Variants in RARB observed in about 807,000 individuals in gnomAD.
RARB encodes HBV-activated protein.
A neutral mutation model predicts 51.9 loss-of-function variants in RARB; 17 were observed. The ratio of observed to expected loss-of-function variants is 0.33; its 90% CI spans 0.22 to 0.49. The LOEUF is 0.49. Among genes scored for constraint, RARB ranks in the 20% least tolerant of loss-of-function variants. RARB has a pLI of 0.99. For missense variants in RARB, 369 were observed against 550.8 expected (o/e 0.67, Z 3.30); for synonymous variants, 215 against 195.4 (o/e 1.10, Z -0.84).
At chr3:25,137,512 A>T (rs191988577) in intron 4 of RARB, among the ~76,000 whole-genome samples, 19 of 152,248 alleles carry the variant, frequency 1.2e-4, no homozygotes, top group Admixed American at 1.0e-3. Flanking sequence ...GTTTGGTCAG[A>T]TATAGAAAAA....
intron 2 of RARB, among the ~76,000 whole-genome samples, chr3:25,036,569 G>A (rs1001306607): frequency 2.0e-4 from 30 of 152,078 alleles, no homozygotes; most frequent in African/African-American, 6.8e-4. Context: ...AAAAACACAA[G>A]CTTGAAGATT....
intron 5 of RARB, among the ~76,000 whole-genome samples, chr3:25,341,666 T>A (rs753138304): frequency 6.6e-6 from 1 of 152,144 alleles, no homozygotes; most frequent in Non-Finnish European, 1.5e-5. Context: ...TATTTGACTA[T>A]GTTTAGAACT....
At position 25,430,399 on chromosome 3, in the gene RARB, T is replaced by A. The variant is rs571421102; in HGVS notation, c.157+1511T>A. Among the ~76,000 whole-genome samples, 6 of 152,336 alleles carry A rather than the reference T, an allele frequency of 3.9e-5. No homozygotes were observed. In the South Asian group the frequency reaches 1.2e-3, roughly 32 times the overall value. On this transcript the variant is annotated intron_variant, in intron 1 of 7. Coordinates refer to ENST00000330688, the MANE Select transcript of RARB (RefSeq NM_000965.5). ...AATTTCTGTTGGAATCCCAGGGAACTGGGGCTCTCTGAAACTTTTTCTTGT... is the reference window on the plus strand; with the variant it reads ...AATTTCTGTTGGAATCCCAGGGAACAGGGGCTCTCTGAAACTTTTTCTTGT...
rs1700648859 is a variant in RARB at position 25,570,017 on chromosome 3, CA to C, written c.609+100del. The C allele has an allele frequency of 4.5e-6, 5 of 1,116,048 alleles. No individual in the cohort carries two copies. In the East Asian group the frequency reaches 1.3e-4, roughly 30 times the overall value. The allele number at this position is 1,116,048 out of a possible 1,614,324, so 69.1% of individuals were successfully genotyped here. A position where few individuals can be genotyped will look rare whatever the true frequency, so the allele number is the denominator to read the frequency against. ...ACACACACACACACACACACACACA[CA>C]CACTTTGCACTGGGCCTGGCAGGGG... On this transcript the variant is annotated intron_variant, in intron 4 of 7. Transcript: ENST00000330688.
At position 25,027,750 on chromosome 3, in the gene RARB, T is replaced by C. The variant is rs192506384; in HGVS notation, c.-379-32375T>C. Among the ~76,000 whole-genome samples, 529 of 152,300 alleles carry C rather than the reference T, an allele frequency of 3.5e-3. 3 individuals carry two copies. Among genetic ancestry groups the C allele is most frequent in the Middle Eastern group, 0.01 (3 of 294 alleles). On this transcript the variant is annotated intron_variant, in intron 2 of 11. Coordinates refer to the RARB transcript ENST00000383772. ...TAAGTAACCTATTTCAATGTGCATC[T>C]GGCTTAGAAGAAAGGTGTGTGAACT... is the stretch of plus-strand genomic sequence containing the variant.
chr3:25,459,682 A>G (rs1695076167), intron 1 of RARB, among the ~76,000 whole-genome samples: 1 of 152,188 alleles, frequency 6.6e-6, no homozygotes, highest in Non-Finnish European at 1.5e-5. Flanking sequence ...ATTAACAATA[A>G]GTTTAGTGGG....
chr3:24,974,521 G>C (rs1281960781), intron 2 of RARB, among the ~76,000 whole-genome samples: 1 of 151,986 alleles, frequency 6.6e-6, no homozygotes, highest in East Asian at 1.9e-4. Context: ...AACTGACTCA[G>C]CATAGGCCTC....
intron 5 of RARB, among the ~76,000 whole-genome samples, chr3:25,263,560 T>A (rs1703056368): frequency 6.6e-6 from 1 of 152,216 alleles, no homozygotes; most frequent in African/African-American, 2.4e-5. Flanking sequence ...GTGAATTAGC[T>A]GACTCCATCT....
At chr3:25,108,884 C>T (rs1019129747) in intron 3 of RARB, among the ~76,000 whole-genome samples, 1 of 152,110 alleles carries the variant, frequency 6.6e-6, no homozygotes, top group African/African-American at 2.4e-5. Context: ...TCTGTATCTC[C>T]TTATGTAAAC....
At chr3:25,396,005 C>T (rs1707103406) in intron 5 of RARB, among the ~76,000 whole-genome samples, 1 of 152,206 alleles carries the variant, frequency 6.6e-6, no homozygotes, top group Non-Finnish European at 1.5e-5. Context: ...GAGGGAGGAT[C>T]TGGGACTCAA....
chr3:25,065,340 G>T (rs1303107900), intron 3 of RARB, among the ~76,000 whole-genome samples: 8 of 152,020 alleles, frequency 5.3e-5, no homozygotes, highest in African/African-American at 1.9e-4. Context: ...TCGTTATCAG[G>T]TTAATAACTA....
chr3:25,106,653 A>ATT (rs71622797), intron 3 of RARB, among the ~76,000 whole-genome samples: 126 of 147,496 alleles, frequency 8.5e-4, no homozygotes, highest in Middle Eastern at 3.4e-3. Context: ...AGGCTGCAGT[A>ATT]TTTTTTTTTT....
At chr3:25,462,849 G>A (rs1440956115) in intron 2 of RARB, among the ~76,000 whole-genome samples, 1 of 152,178 alleles carries the variant, frequency 6.6e-6, no homozygotes, top group Non-Finnish European at 1.5e-5. Context: ...GTTCGCAGAG[G>A]CAGGGTTCCA....
intron 5 of RARB, among the ~76,000 whole-genome samples, chr3:25,286,882 C>G (rs956750276): frequency 6.6e-6 from 1 of 152,136 alleles, no homozygotes; most frequent in Non-Finnish European, 1.5e-5. Context: ...TTAAATAAAC[C>G]TGTACTTTTA....
intron 4 of RARB, among the ~76,000 whole-genome samples, chr3:25,150,200 CA>C (rs34908200): frequency 0.66 from 93,004 of 140,030 alleles, 29,666 homozygotes; most frequent in East Asian, 0.78. Flanking sequence ...GGCTCTGTCT[CA>C]AAAAAAAAAA....
chr3:25,500,531 G>A (rs1697261796), intron 2 of RARB, among the ~76,000 whole-genome samples: 1 of 138,880 alleles, frequency 7.2e-6, no homozygotes, highest in African/African-American at 2.7e-5. Flanking sequence ...CCAGACTGGA[G>A]TGCGGTGGCA....
intron 5 of RARB, among the ~76,000 whole-genome samples, chr3:25,369,997 T>G (rs936823010): frequency 2.6e-5 from 4 of 151,932 alleles, no homozygotes; most frequent in Non-Finnish European, 5.9e-5. Flanking sequence ...CATCTTCTAG[T>G]AGGAGAACTG....
At chr3:25,153,086 A>G (rs1230412686) in intron 4 of RARB, among the ~76,000 whole-genome samples, 1 of 152,142 alleles carries the variant, frequency 6.6e-6, no homozygotes, top group African/African-American at 2.4e-5. Context: ...GGAATTCTTC[A>G]TTGCTTGTCC....
At chr3:24,992,266 C>T (rs1696928840) in intron 2 of RARB, among the ~76,000 whole-genome samples, 1 of 152,104 alleles carries the variant, frequency 6.6e-6, no homozygotes, top group Non-Finnish European at 1.5e-5. Flanking sequence ...GTATTTTCTT[C>T]CTTGTTTATG....
Sources: allele counts gnomAD v4.1 joint callset (sites outside exome capture counted in the v4.1 genomes callset), GRCh38; gene constraint gnomAD v4.1.1; transcripts MANE v1.5; gene names NCBI Gene and HGNC (gene_info 2026-07-23, HGNC 2026-07-21).